C1orf87: variants seen among roughly 807,000 people sequenced by gnomAD.
C1orf87 encodes chromosome 1 open reading frame 87.
A neutral mutation model predicts 60.5 loss-of-function variants in C1orf87; 58 were observed. The ratio of observed to expected loss-of-function variants is 0.96; its 90% confidence interval spans 0.78 to 1.19. The LOEUF (loss-of-function observed/expected upper bound fraction) is 1.19. Ranked by LOEUF, C1orf87 falls within the 50% of genes most tolerant of loss-of-function variation. The probability of loss-of-function intolerance (pLI) is 0.00; values close to 1 mark genes in which losing one functional copy is unlikely to be tolerated. For synonymous variants in C1orf87, 236 were observed against 227.4 expected (o/e 1.04, Z -0.34); for missense variants, 673 against 638.6 (o/e 1.05, Z -0.58).
intron 8 of C1orf87, among the ~76,000 whole-genome samples, chr1:60,012,404 T>C (rs1287606145): frequency 6.6e-6 from 1 of 152,034 alleles, no homozygotes; most frequent in African/African-American, 2.4e-5. Flanking sequence ...TTGAGGGAAA[T>C]TTTTTTAACT....
intron 10 of C1orf87, among the ~76,000 whole-genome samples, chr1:60,000,186 T>G (rs1644992796): frequency 6.6e-6 from 1 of 152,288 alleles, no homozygotes; most frequent in Admixed American, 6.5e-5. Context: ...AATAGGAAAC[T>G]TGCTTTACCA....
chr1:60,047,912 T>C (rs528826799), intron 3 of C1orf87, among the ~76,000 whole-genome samples: 5 of 152,290 alleles, frequency 3.3e-5, no homozygotes, highest in Admixed American at 3.3e-4. Context: ...GTCACTGTGT[T>C]TTAAAATCAT....
intron 9 of C1orf87, among the ~76,000 whole-genome samples, chr1:60,009,726 C>G (rs528600769): frequency 2.6e-5 from 4 of 151,888 alleles, no homozygotes; most frequent in Admixed American, 2.0e-4. Context: ...AATAGAAAAA[C>G]TACAACAGCA....
At chr1:60,007,933 A>G (rs17500709) in intron 9 of C1orf87, among the ~76,000 whole-genome samples, 8,806 of 152,084 alleles carry the variant, frequency 0.058, 324 homozygotes, top group Middle Eastern at 0.18. Flanking sequence ...ACACACCCAT[A>G]AGGAGTATCT....
chr1:60,067,045 A>G (rs1441167274), intron 2 of C1orf87, among the ~76,000 whole-genome samples: 4 of 152,196 alleles, frequency 2.6e-5, no homozygotes, highest in Non-Finnish European at 5.9e-5. Context: ...TTCATGGTGT[A>G]TATGTGCCAC....
chr1:60,064,819 A>G (rs1429242840), intron 2 of C1orf87, among the ~76,000 whole-genome samples: 1 of 92,768 alleles, frequency 1.1e-5, no homozygotes, highest in African/African-American at 4.5e-5. Flanking sequence ...TAATATATAT[A>G]AATATATATT....
At chr1:60,041,434 A>T (rs1236473885) in intron 3 of C1orf87, among the ~76,000 whole-genome samples, 1 of 152,236 alleles carries the variant, frequency 6.6e-6, no homozygotes, top group African/African-American at 2.4e-5. Context: ...AGGTGTTTAT[A>T]GGCAAATGTG....
At chr1:59,999,273 C>G (rs118154376) in intron 10 of C1orf87, among the ~76,000 whole-genome samples, 1 of 152,074 alleles carries the variant, frequency 6.6e-6, no homozygotes, top group African/African-American at 2.4e-5. Context: ...ACAACCAGTA[C>G]GTCTTAACGG....
In C1orf87 at chr1:60,025,516, A is replaced by T; in HGVS notation, c.1030-18T>A. On this transcript the variant is annotated intron_variant, in intron 7 of 11. Coordinates refer to ENST00000371201, the MANE Select transcript of C1orf87 (RefSeq NM_152377.3). The stretch of plus-strand genomic sequence containing the variant: ...GCCCTGACCTACAAGTTAAAAAAAA[A>T]TAAAAAAGATTTGATGTTTCACTAG... The T allele has an allele frequency of 5.8e-6, 9 of 1,546,648 alleles. No homozygotes were observed. Among genetic ancestry groups the T allele is most frequent in the Non-Finnish European group, 7.9e-6 (9 of 1,141,876 alleles).
intron 2 of C1orf87, among the ~76,000 whole-genome samples, chr1:60,055,969 A>G (rs1022705581): frequency 5.3e-5 from 8 of 152,134 alleles, no homozygotes; most frequent in Non-Finnish European, 8.8e-5. Context: ...TTGTTTAACA[A>G]CTAAAAGTCC....
intron 8 of C1orf87, among the ~76,000 whole-genome samples, chr1:60,013,752 G>T (rs1346367528): frequency 1.3e-5 from 2 of 151,046 alleles, no homozygotes; most frequent in East Asian, 3.9e-4. Context: ...CCCAGCAGAT[G>T]AGCTGCACTG....
chr1:60,047,285 G>A (rs1436200405), intron 3 of C1orf87, among the ~76,000 whole-genome samples: 2 of 151,864 alleles, frequency 1.3e-5, no homozygotes, highest in Non-Finnish European at 2.9e-5. Flanking sequence ...TAACCAATGA[G>A]TTTTTGTTTT....
At position 60,001,075 on chromosome 1, in the gene C1orf87, A is replaced by G. The variant is rs1394284550; in HGVS notation, c.1272+2T>C. 1.9e-6 allele frequency: 3 copies of G among 1,607,714 alleles called. No individual in the cohort carries two copies. Among genetic ancestry groups the G allele is most frequent in the South Asian group, 1.1e-5 (1 of 90,784 alleles). On this transcript the variant is annotated splice_donor_variant, in intron 10 of 11. Transcript: ENST00000371201. LOFTEE classifies it high-confidence loss of function. ...CAAACTCTATATACCCCAGGTGCATACCATATGTTCAGTTTTGCTTTGAGA... is the reference window on the plus strand; with the variant it reads ...CAAACTCTATATACCCCAGGTGCATGCCATATGTTCAGTTTTGCTTTGAGA...
chr1:60,054,262 G>A (rs1229272691), intron 3 of C1orf87, among the ~76,000 whole-genome samples: 2 of 152,174 alleles, frequency 1.3e-5, no homozygotes, highest in Non-Finnish European at 2.9e-5. Flanking sequence ...CTGGTCTTCA[G>A]TGTTCAACTA....
chr1:60,032,592 C>A (rs888963009), intron 7 of C1orf87, among the ~76,000 whole-genome samples: 1 of 151,940 alleles, frequency 6.6e-6, no homozygotes, highest in African/African-American at 2.4e-5. Context: ...CATGCACCAC[C>A]ATACCTGGCT....
intron 2 of C1orf87, among the ~76,000 whole-genome samples, chr1:60,069,484 T>C (rs1487732237): frequency 4.3e-5 from 6 of 139,196 alleles, no homozygotes; most frequent in South Asian, 2.5e-4. Context: ...AGGAGGAAGA[T>C]GATGATGGCA....
chr1:60,027,321 G>A (rs1217797172), intron 7 of C1orf87, among the ~76,000 whole-genome samples: 15 of 152,138 alleles, frequency 9.9e-5, no homozygotes, highest in Admixed American at 9.8e-4. Context: ...CAAGTACAGA[G>A]CCTGCTGGTT....
chr1:60,006,196 A>G (rs1645044147), intron 9 of C1orf87, among the ~76,000 whole-genome samples: 1 of 152,076 alleles, frequency 6.6e-6, no homozygotes, highest in Non-Finnish European at 1.5e-5. Flanking sequence ...AGGGACTACC[A>G]TATAGAGCCT....
chr1:60,056,821 C>A (rs1006848857), intron 2 of C1orf87, among the ~76,000 whole-genome samples: 9 of 152,144 alleles, frequency 5.9e-5, no homozygotes, highest in Non-Finnish European at 1.3e-4. Context: ...ACCTACATGG[C>A]ATTCTATAAA....
Sources: gnomAD v4.1 joint callset for allele counts (sites outside exome capture counted in the v4.1 genomes callset) on GRCh38, gnomAD v4.1.1 for gene constraint, MANE v1.5 for transcripts, NCBI Gene and HGNC (gene_info 2026-07-23, HGNC 2026-07-21) for gene names.